The following ATP11C variants were observed in gnomAD, a reference collection of about 807,000 sequenced individuals.
The protein encoded by ATP11C is ATPase phospholipid transporting 11C (ATP11C blood group), also known as phospholipid-transporting ATPase IG.
In ATP11C, 36 loss-of-function variants were observed where a neutral mutation model predicts 97.4. That is an observed-to-expected ratio of 0.37 (90% CI 0.28 to 0.49). ATP11C has a LOEUF of 0.49. Ranked by LOEUF, ATP11C falls within the 20% of genes least tolerant of loss-of-function variation. ATP11C has a pLI of 0.98. For missense variants in ATP11C, 730 were observed against 824.6 expected, an observed-to-expected ratio of 0.89 and a Z score of 1.40; for synonymous variants, 275 against 290.9, an observed-to-expected ratio of 0.95 and a Z score of 0.56.
chrX:139,809,327 AT>A (rs1389344199), intron 5 of ATP11C, among the ~76,000 whole-genome samples: 2 of 112,028 alleles, frequency 1.8e-5, no homozygotes, highest in Admixed American at 1.9e-4. Context: ...TTGGAATATT[AT>A]TCACCTTTAA....
intron 5 of ATP11C, among the ~76,000 whole-genome samples, chrX:139,809,313 TA>T (rs1014802222): frequency 8.9e-6 from 1 of 111,770 alleles, no homozygotes; most frequent in African/African-American, 3.3e-5. Flanking sequence ...GTTATATACA[TA>T]AATTGGAATA....
At chrX:139,904,013 C>T (rs1400564772) in intron 1 of ATP11C, among the ~76,000 whole-genome samples, 1 of 111,672 alleles carries the variant, frequency 9.0e-6, no homozygotes, top group Non-Finnish European at 1.9e-5. Flanking sequence ...CTAACAGCTC[C>T]CAGGTGATGT....
intron 25 of ATP11C, among the ~76,000 whole-genome samples, chrX:139,744,278 CA>C (rs912553403): frequency 1.8e-5 from 2 of 110,348 alleles, no homozygotes; most frequent in Admixed American, 9.6e-5. Context: ...TTAATAGAAG[CA>C]AAAAAAAGGA....
chrX:139,802,310 T>G lies in ATP11C; in HGVS notation c.585A>C (p.Ala195=). Reference sequence around the variant, plus strand: ...TATCGATGGATTCTGCTGTACACAGTGCAATGGTATCACGTACTGCATAAT... The same window carrying G: ...TATCGATGGATTCTGCTGTACACAGGGCAATGGTATCACGTACTGCATAAT... ...KTHYAVRDTI[A]LCTAESIDTL... is the part of the protein sequence containing the mutation. Residue 195 remains alanine, a synonymous_variant, in exon 7 of 30, where the codon GCA becomes GCC. Transcript: ENST00000682941. 8.3e-7 allele frequency: 1 copy of G among 1,204,189 alleles called. No individual in the cohort carries two copies.
chrX:139,823,480 G>C (rs1343699295), intron 2 of ATP11C, among the ~76,000 whole-genome samples: 1 of 111,826 alleles, frequency 8.9e-6, no homozygotes, highest in Non-Finnish European at 1.9e-5. Flanking sequence ...AGCAAAAGGA[G>C]GCTTTAGAAC....
intron 1 of ATP11C, among the ~76,000 whole-genome samples, chrX:139,908,926 G>A (rs764412661): frequency 1.8e-5 from 2 of 111,808 alleles, no homozygotes; most frequent in Non-Finnish European, 3.8e-5. Context: ...TTAGGACCAT[G>A]CCAACTGGCC....
Position 139,743,598 on chromosome X carries a change from G to A in ATP11C, c.2991C>T (p.Thr997=). 3 of 1,169,522 alleles carry A rather than the reference G, an allele frequency of 2.6e-6. No homozygotes were observed. Among genetic ancestry groups the A allele is most frequent in the Non-Finnish European group, 3.5e-6 (3 of 866,860 alleles). Residue 997 remains threonine (T), a synonymous_variant, in exon 26 of 30, where the codon ACC becomes ACT. Coordinates refer to ENST00000682941, the MANE Select transcript of ATP11C (RefSeq NM_001353812.2). Reference sequence around the variant, plus strand: ...TGAATACTAAGACTGTAAAAACAATGGTTCCAAAAGTCCAGTTTCCGTATA... The same window carrying A: ...TGAATACTAAGACTGTAAAAACAATAGTTCCAAAAGTCCAGTTTCCGTATA... The part of the protein sequence containing the change: ...GKVYGNWTFG[T]IVFTVLVFTV...
intron 22 of ATP11C, 72 bp downstream of exon 22, chrX:139,761,889 A>C: frequency 1.2e-6 from 1 of 814,695 alleles, no homozygotes; most frequent in Non-Finnish European, 1.6e-6. Flanking sequence ...AAAAAGGAAG[A>C]ACAAAACCAT....
chrX:139,926,416 T>C (rs1203015095), intron 1 of ATP11C, among the ~76,000 whole-genome samples: 1 of 112,245 alleles, frequency 8.9e-6, no homozygotes, highest in Admixed American at 9.5e-5. Context: ...AAACCAGTAT[T>C]TGATTTCACT....
At chrX:139,780,965 A>G (rs1276170955) in intron 18 of ATP11C, among the ~76,000 whole-genome samples, 1 of 111,354 alleles carries the variant, frequency 9.0e-6, no homozygotes, top group Non-Finnish European at 1.9e-5. Context: ...AAAACCACCC[A>G]TTGAGTATTA....
rs185934574 is a variant in ATP11C, at chrX:139,903,771, C to T, written c.27+28245G>A. Among the ~76,000 whole-genome samples, 288 of 110,911 alleles carry T rather than the reference C, an allele frequency of 2.6e-3. 1 individual carries two copies. Among genetic ancestry groups the T allele is most frequent in the African/African-American group, 9.0e-3 (276 of 30,526 alleles). Reference sequence around the variant, plus strand: ...ATCTTGGACTTACCAGGCTCTAGAACTTTGAAAAGTAAATTTCTGGGTTGT... The same window carrying T: ...ATCTTGGACTTACCAGGCTCTAGAATTTTGAAAAGTAAATTTCTGGGTTGT... On this transcript the variant is annotated intron_variant, in intron 1 of 29. Coordinates refer to ENST00000682941, the MANE Select transcript of ATP11C (RefSeq NM_001353812.2).
At chrX:139,935,435 G>A (rs748999866), upstream of ATP11C, among the ~76,000 whole-genome samples, 7 of 110,553 alleles carry the variant, frequency 6.3e-5, no homozygotes, top group Non-Finnish European at 1.1e-4. Context: ...GTGTGGTGGC[G>A]GATGCCTGTA....
At chrX:139,810,816 T>C (rs2083154686) in intron 5 of ATP11C, among the ~76,000 whole-genome samples, 2 of 110,546 alleles carry the variant, frequency 1.8e-5, no homozygotes, top group African/African-American at 3.3e-5. Context: ...ATCTATTTCA[T>C]GCCCATCTCA....
intron 1 of ATP11C, among the ~76,000 whole-genome samples, chrX:139,841,936 A>C (rs2083838787): frequency 8.9e-6 from 1 of 112,294 alleles, no homozygotes; most frequent in Admixed American, 9.4e-5. Flanking sequence ...GGACCTTATC[A>C]GGTTATAACT....
intron 1 of ATP11C, among the ~76,000 whole-genome samples, chrX:139,869,676 C>T (rs1427564376): frequency 9.5e-6 from 1 of 105,082 alleles, no homozygotes; most frequent in Admixed American, 1.0e-4. Context: ...TGCCTGTAAT[C>T]CCAGCTACTG....
At chrX:139,934,979 G>A (rs1013678140), upstream of ATP11C, among the ~76,000 whole-genome samples, 2 of 111,909 alleles carry the variant, frequency 1.8e-5, no homozygotes, top group African/African-American at 6.5e-5. Flanking sequence ...ATTGTCTTTA[G>A]TTCTAGGTAT....
intron 1 of ATP11C, among the ~76,000 whole-genome samples, chrX:139,867,137 A>C (rs1315607312): frequency 3.6e-5 from 4 of 111,979 alleles, no homozygotes; most frequent in Non-Finnish European, 7.5e-5. Context: ...AATTTGTTGA[A>C]TCGTTCAACA....
Position 139,814,922 on chromosome X carries a change from T to A in ATP11C, c.382A>T (p.Ile128Phe). ...TTTCTCACTCGCTTTGCATTTTCAA[T>A]AATGTAAACAGTGCTTTTGTTGACT... ...NEVNKSTVYIIENAKRVRKES... is the reference protein window; with the variant it reads ...NEVNKSTVYIFENAKRVRKES... The change falls in exon 5 of 30, where the codon ATT (isoleucine) becomes TTT (phenylalanine). Residue 128 changes from isoleucine (I) to phenylalanine (F), a missense_variant. Transcript: ENST00000682941. The A allele has an allele frequency of 8.4e-7, 1 of 1,188,963 alleles. No individual in the cohort carries two copies.
At chrX:139,735,976 T>C (rs772199943) in intron 28 of ATP11C, among the ~76,000 whole-genome samples, 1 of 111,651 alleles carries the variant, frequency 9.0e-6, no homozygotes, top group African/African-American at 3.2e-5. Flanking sequence ...TGAATGAAAA[T>C]GATTATGGAA....
Sources: gnomAD v4.1 joint callset for allele counts (sites outside exome capture counted in the v4.1 genomes callset) on GRCh38, gnomAD v4.1.1 for gene constraint, MANE v1.5 for transcripts, NCBI Gene and HGNC (gene_info 2026-07-23, HGNC 2026-07-21) for gene names.